LRP1B: variants seen among roughly 807,000 people sequenced by gnomAD.
The protein encoded by LRP1B is LDL receptor related protein 1B.
A neutral mutation model predicts 556.6 loss-of-function variants in LRP1B; 217 were observed. That is an observed-to-expected ratio of 0.39 (90% CI 0.35 to 0.44). The LOEUF (loss-of-function observed/expected upper bound fraction) is 0.44. LRP1B is among the 20% of genes least tolerant of loss of function. LRP1B has a pLI of 1.00. For synonymous variants in LRP1B, 2,047 were observed against 1,865.8 expected, an observed-to-expected ratio of 1.10 and a Z score of -2.50; for missense variants, 5,053 against 5,620.8, an observed-to-expected ratio of 0.90 and a Z score of 3.23.
intron 1 of LRP1B, among the ~76,000 whole-genome samples, chr2:142,067,928 G>C (rs1355486957): frequency 6.6e-6 from 1 of 151,508 alleles, no homozygotes; most frequent in Non-Finnish European, 1.5e-5. Flanking sequence ...TGTACACTTT[G>C]ATAGGTATTA....
intron 66 of LRP1B, among the ~76,000 whole-genome samples, chr2:140,418,618 T>C (rs921968907): frequency 4.0e-5 from 6 of 151,734 alleles, no homozygotes; most frequent in Non-Finnish European, 8.8e-5. Context: ...AAAATGAGAC[T>C]ACAGAGTACA....
intron 10 of LRP1B, among the ~76,000 whole-genome samples, chr2:141,050,560 A>G (rs914952452): frequency 5.3e-5 from 8 of 152,010 alleles, no homozygotes; most frequent in African/African-American, 1.9e-4. Context: ...ATGTGTTCAC[A>G]TTGTTCAACT....
chr2:140,233,351 A>G (rs767350068), intron 90 of LRP1B, 25 bp from the exon 91 acceptor site: 3 of 1,525,782 alleles, frequency 2.0e-6, no homozygotes, highest in Non-Finnish European at 2.7e-6. Context: ...AAATAAATAT[A>G]ATTTTATTAC....
intron 2 of LRP1B, among the ~76,000 whole-genome samples, chr2:141,808,998 A>G (rs1006507680): frequency 2.0e-5 from 3 of 152,094 alleles, no homozygotes; most frequent in African/African-American, 7.2e-5. Context: ...AATTTTTCCT[A>G]TGAACCTTTT....
intron 7 of LRP1B, among the ~76,000 whole-genome samples, chr2:141,067,578 A>G (rs1171405324): frequency 2.0e-5 from 3 of 152,040 alleles, no homozygotes; most frequent in African/African-American, 7.2e-5. Flanking sequence ...TGGATATGTC[A>G]GGCAATGTGG....
At chr2:140,640,448 T>G (rs1226802115) in intron 41 of LRP1B, among the ~76,000 whole-genome samples, 5 of 110,882 alleles carry the variant, frequency 4.5e-5, no homozygotes, top group Admixed American at 1.3e-4. Context: ...CAGGCTGGAG[T>G]GCAGTGGCGC....
chr2:141,787,255 A>G (rs1011156001), intron 2 of LRP1B, among the ~76,000 whole-genome samples: 3 of 151,956 alleles, frequency 2.0e-5, no homozygotes, highest in Non-Finnish European at 4.4e-5. Context: ...ATCAAGAGAA[A>G]AGCAAACTTA....
At chr2:140,825,071 A>T (rs115048032) in intron 31 of LRP1B, among the ~76,000 whole-genome samples, 3 of 152,108 alleles carry the variant, frequency 2.0e-5, no homozygotes, top group Non-Finnish European at 4.4e-5. Context: ...TTTAAATGAT[A>T]ACAGAGCTAA....
At chr2:141,091,151 T>C (rs74698700) in intron 7 of LRP1B, among the ~76,000 whole-genome samples, 9,370 of 151,948 alleles carry the variant, frequency 0.062, 368 homozygotes, top group South Asian at 0.12. Context: ...TAGAAGAGTA[T>C]AAAAAAAGAT....
At chr2:141,391,101 C>T (rs1409358186) in intron 3 of LRP1B, among the ~76,000 whole-genome samples, 1 of 151,996 alleles carries the variant, frequency 6.6e-6, no homozygotes, top group Non-Finnish European at 1.5e-5. Flanking sequence ...AATCTTTAGG[C>T]TTTTGCAGAA....
intron 14 of LRP1B, among the ~76,000 whole-genome samples, chr2:141,010,565 A>G (rs1352814069): frequency 1.3e-5 from 2 of 151,628 alleles, no homozygotes; most frequent in Admixed American, 1.3e-4. Context: ...CTCAGGCTGG[A>G]GTGCAGTGGA....
intron 25 of LRP1B, among the ~76,000 whole-genome samples, chr2:140,879,246 T>C (rs1693400160): frequency 6.6e-6 from 1 of 152,190 alleles, no homozygotes; most frequent in African/African-American, 2.4e-5. Flanking sequence ...AGAGTCCAAC[T>C]ATCCATCAGT....
intron 1 of LRP1B, among the ~76,000 whole-genome samples, chr2:142,024,768 T>C (rs1703451627): frequency 6.6e-6 from 1 of 152,042 alleles, no homozygotes; most frequent in African/African-American, 2.4e-5. Context: ...GATTTCCCTC[T>C]TTGCTTTCCT....
chr2:140,554,721 T>G (rs1046638153), intron 43 of LRP1B, among the ~76,000 whole-genome samples: 1 of 151,984 alleles, frequency 6.6e-6, no homozygotes, highest in Non-Finnish European at 1.5e-5. Context: ...GTAACCCAAG[T>G]GCTTAAAACA....
chr2:141,802,519 A>G (rs1431336145), intron 2 of LRP1B, among the ~76,000 whole-genome samples: 1 of 152,142 alleles, frequency 6.6e-6, no homozygotes, highest in African/African-American at 2.4e-5. Context: ...CAGGGCCAAT[A>G]TAGCAATTAA....
intron 1 of LRP1B, among the ~76,000 whole-genome samples, chr2:141,938,894 C>G (rs1180919469): frequency 2.0e-5 from 3 of 151,938 alleles, no homozygotes; most frequent in African/African-American, 7.3e-5. Flanking sequence ...ATAAGCCAGA[C>G]CCAGATAGAA....
At chr2:141,373,716 T>G (rs1689324577) in intron 3 of LRP1B, among the ~76,000 whole-genome samples, 1 of 152,052 alleles carries the variant, frequency 6.6e-6, no homozygotes, top group Non-Finnish European at 1.5e-5. Context: ...CCAGTCTATA[T>G]GTGTCTTTAT....
chr2:141,748,484 G>C (rs927699525), intron 2 of LRP1B, among the ~76,000 whole-genome samples: 22 of 152,100 alleles, frequency 1.4e-4, no homozygotes, highest in African/African-American at 5.1e-4. Context: ...CTGGGCAAGC[G>C]CTCATTATCA....
At chr2:141,091,166 T>C (rs779436479) in intron 7 of LRP1B, among the ~76,000 whole-genome samples, 6 of 151,788 alleles carry the variant, frequency 4.0e-5, no homozygotes, top group Non-Finnish European at 7.4e-5. Flanking sequence ...AAAGATCAGA[T>C]AAAGAGAGAG....
Sources: gnomAD v4.1 joint callset for allele counts (sites outside exome capture counted in the v4.1 genomes callset) on GRCh38, gnomAD v4.1.1 for gene constraint, MANE v1.5 for transcripts, NCBI Gene and HGNC (gene_info 2026-07-23, HGNC 2026-07-21) for gene names.